Variants in FARP1 observed in about 807,000 individuals in gnomAD.
FARP1 encodes the protein FERM, ARH/RhoGEF and pleckstrin domain protein 1, also known as FERM, ARHGEF and pleckstrin domain-containing protein 1.
FARP1 carries 52 observed loss-of-function variants against 128.8 expected under a neutral mutation model. The ratio of observed to expected loss-of-function variants is 0.40; its 90% CI spans 0.32 to 0.51. The LOEUF is 0.51. Ranked by LOEUF, FARP1 falls within the 20% of genes least tolerant of loss-of-function variation. The probability of loss-of-function intolerance (pLI) is 0.45; values close to 1 mark genes in which losing one functional copy is unlikely to be tolerated. For synonymous variants in FARP1, 580 were observed against 551.8 expected (o/e 1.05, Z -0.72); for missense variants, 1,333 against 1,367.9 (o/e 0.97, Z 0.40).
At chr13:98,271,636 C>T (rs912778442) in intron 2 of FARP1, among the ~76,000 whole-genome samples, 2 of 152,090 alleles carry the variant, frequency 1.3e-5, no homozygotes, top group African/African-American at 2.4e-5. Context: ...TGTTCAGCTC[C>T]CACTTATGAG....
chr13:98,338,984 G>T (rs1412015920), intron 2 of FARP1: 1 of 152,152 alleles, frequency 6.6e-6, no homozygotes, highest in Non-Finnish European at 1.5e-5. Flanking sequence ...GACACACTTA[G>T]ATAGTTCAGG....
At position 98,453,333 on chromosome 13, in the gene FARP1, C is replaced by A; in HGVS notation, c.*5016C>A. On this transcript the variant is annotated 3_prime_UTR_variant, in exon 27 of 27. Transcript: ENST00000319562. Reference sequence around the variant, plus strand: ...CCAAGTCATACAAAAATAAGTGGAGCAAATATCAATGTGTAAGTCTAATTT... The same window carrying A: ...CCAAGTCATACAAAAATAAGTGGAGAAAATATCAATGTGTAAGTCTAATTT... 1 of 944,666 alleles carries A rather than the reference C, an allele frequency of 1.1e-6. No homozygotes were observed. The highest frequency in any genetic ancestry group is 1.6e-6 in the Non-Finnish European group (1 of 616,352). 58.5% of individuals were successfully genotyped at this position (944,666 alleles called of 1,614,324 possible).
rs779501203 is a variant in FARP1 at position 98,454,981 on chromosome 13, G to A, written c.*6664G>A. The A allele has an allele frequency of 1.3e-4, 20 of 152,196 alleles. No homozygotes were observed. Among genetic ancestry groups the A allele is most frequent in the African/African-American group, 4.3e-4 (18 of 41,432 alleles). The allele number at this position is 152,196 out of a possible 1,614,324, so 9.4% of individuals were successfully genotyped here. A position where few individuals can be genotyped will look rare whatever the true frequency, so the allele number is the denominator to read the frequency against. On this transcript the variant is annotated 3_prime_UTR_variant, in exon 27 of 27. Transcript: ENST00000319562. ...ACAGACATCAGGTAGCTACAGACCC[G>A]CCCGAGGGTAAATAGGGTCAACCCC... is the stretch of plus-strand genomic sequence containing the variant.
intron 6 of FARP1, among the ~76,000 whole-genome samples, chr13:98,380,542 A>G (rs1007091421): frequency 2.0e-5 from 3 of 152,200 alleles, no homozygotes; most frequent in Admixed American, 2.0e-4. Context: ...CACAATGTGT[A>G]CATATATCAA....
chr13:98,427,904 G>A (rs188975460), intron 17 of FARP1, among the ~76,000 whole-genome samples: 1 of 152,034 alleles, frequency 6.6e-6, no homozygotes, highest in Non-Finnish European at 1.5e-5. Context: ...GTTAGTTGGG[G>A]TTTTTTTTAA....
intron 1 of FARP1, among the ~76,000 whole-genome samples, chr13:98,207,570 G>A (rs1329769777): frequency 1.3e-5 from 2 of 151,730 alleles, no homozygotes; most frequent in Non-Finnish European, 2.9e-5. Flanking sequence ...CAACACCATA[G>A]CCAGGTCCAT....
chr13:98,387,055 C>G (rs1241399474), intron 8 of FARP1, among the ~76,000 whole-genome samples: 1 of 152,182 alleles, frequency 6.6e-6, no homozygotes, highest in African/African-American at 2.4e-5. Flanking sequence ...AATCCCAACA[C>G]TTTGGGAGGC....
At position 98,263,469 on chromosome 13, in the gene FARP1, C is replaced by G. The variant is rs536012571; in HGVS notation, c.171+50056C>G. 3.3e-5 allele frequency among the ~76,000 whole-genome samples: 5 copies of G among 152,292 alleles called. No individual in the cohort carries two copies. The South Asian group carries it at 6.2e-4, about 19-fold the overall frequency. On this transcript the variant is annotated intron_variant, in intron 2 of 26. Transcript: ENST00000319562. ...ATATTTGTCATTACTCTTGTATCAT[C>G]TTTTGTACTTGGATCTATTTTCAAG...
chr13:98,245,125 A>T (rs1382197727), intron 2 of FARP1: 1 of 994,000 alleles, frequency 1.0e-6, no homozygotes, highest in Non-Finnish European at 1.2e-6. Flanking sequence ...TTTAAATGTT[A>T]ACTGGAATTG....
chr13:98,360,221 G>A (rs188268826), intron 3 of FARP1, among the ~76,000 whole-genome samples: 3 of 149,550 alleles, frequency 2.0e-5, no homozygotes, highest in African/African-American at 2.5e-5. Flanking sequence ...TCAGCCTCCC[G>A]AGTAGCTGGG....
chr13:98,419,994 G>A (rs1045662861), intron 16 of FARP1, among the ~76,000 whole-genome samples: 3 of 152,048 alleles, frequency 2.0e-5, no homozygotes, highest in Admixed American at 6.6e-5. Context: ...GGAATCTCCC[G>A]GGGCACTTCA....
chr13:98,446,949 C>A, intron 26 of FARP1, 132 bp downstream of exon 26: 1 of 945,244 alleles, frequency 1.1e-6, no homozygotes, highest in Non-Finnish European at 1.6e-6. Context: ...GACCTGGGGT[C>A]CCACTGCCCG....
At chr13:98,182,751 T>C (rs895152319) in intron 1 of FARP1, among the ~76,000 whole-genome samples, 1 of 152,258 alleles carries the variant, frequency 6.6e-6, no homozygotes, top group Non-Finnish European at 1.5e-5. Flanking sequence ...TACCAAGGTC[T>C]TGGGCCACAC....
Position 98,410,721 on chromosome 13 carries a change from C to A in FARP1, c.1603-13C>A. The A allele has an allele frequency of 2.0e-6, 3 of 1,495,456 alleles. No homozygotes were observed. The highest frequency in any genetic ancestry group is 2.8e-6 in the Non-Finnish European group (3 of 1,078,822). The allele number at this position is 1,495,456 out of a possible 1,614,324, so 92.6% of individuals were successfully genotyped here. A position where few individuals can be genotyped will look rare whatever the true frequency, so the allele number is the denominator to read the frequency against. On this transcript the variant is annotated splice_polypyrimidine_tract_variant and intron_variant, in intron 14 of 26. Coordinates refer to ENST00000319562, the MANE Select transcript of FARP1 (RefSeq NM_005766.4). ...TGATTATTGCGCTTTGTTTCTTTTG[C>A]TGGGTTTTGCAGAGATTCCCAACTG...
intron 2 of FARP1, chr13:98,332,993 G>C (rs1469019206): frequency 2.6e-5 from 4 of 152,178 alleles, no homozygotes; most frequent in Non-Finnish European, 5.9e-5. Context: ...ATGATACCAG[G>C]TGTGTTTTCT....
chr13:98,182,005 A>G (rs540738153), intron 1 of FARP1, among the ~76,000 whole-genome samples: 2 of 152,320 alleles, frequency 1.3e-5, no homozygotes, highest in East Asian at 3.9e-4. Flanking sequence ...CAAGATGATA[A>G]ATAATAAATA....
chr13:98,277,202 G>A (rs2139606162), intron 2 of FARP1, among the ~76,000 whole-genome samples: 1 of 150,488 alleles, frequency 6.6e-6, no homozygotes, highest in East Asian at 2.0e-4. Flanking sequence ...AGGCTGGAGT[G>A]CAGTGGCATG....
At chr13:98,360,462 C>G (rs1888825384) in intron 3 of FARP1, among the ~76,000 whole-genome samples, 1 of 105,626 alleles carries the variant, frequency 9.5e-6, no homozygotes, top group Non-Finnish European at 2.3e-5. Flanking sequence ...TAAAAGAGGC[C>G]ACTTGGACAG....
At chr13:98,409,248 C>G (rs367918720) in intron 13 of FARP1, 90 bp from the exon 14 acceptor site, 74 of 1,041,922 alleles carry the variant, frequency 7.1e-5, no homozygotes, top group Non-Finnish European at 2.2e-5. Context: ...TCAAATCTTA[C>G]GATTTGAAAA....
Sources: allele counts gnomAD v4.1 joint callset (sites outside exome capture counted in the v4.1 genomes callset), GRCh38; gene constraint gnomAD v4.1.1; transcripts MANE v1.5; gene names NCBI Gene and HGNC (gene_info 2026-07-23, HGNC 2026-07-21).